The following ASIC2 variants were observed in gnomAD, a reference collection of about 807,000 sequenced individuals.
ASIC2 encodes the protein acid-sensing ion channel 2.
Under a neutral mutation model 57.3 loss-of-function variants are expected in ASIC2, and 25 were observed. The ratio of observed to expected loss-of-function variants is 0.44; its 90% CI spans 0.32 to 0.61. The LOEUF (loss-of-function observed/expected upper bound fraction) is 0.61. Ranked by LOEUF, ASIC2 falls within the 20% of genes least tolerant of loss-of-function variation. The pLI is 0.06. For missense variants in ASIC2, 641 were observed against 738.1 expected (o/e 0.87, Z 1.52); for synonymous variants, 319 against 307.5 (o/e 1.04, Z -0.39).
At chr17:33,601,187 A>G (rs1390130732) in intron 1 of ASIC2, among the ~76,000 whole-genome samples, 1 of 152,236 alleles carries the variant, frequency 6.6e-6, no homozygotes, top group Non-Finnish European at 1.5e-5. Context: ...TTAGGAAAGC[A>G]AACTAGGGTG....
At chr17:33,684,545 C>A (rs1019557938) in intron 1 of ASIC2, among the ~76,000 whole-genome samples, 1 of 152,162 alleles carries the variant, frequency 6.6e-6, no homozygotes, top group African/African-American at 2.4e-5. Context: ...GCAGAAGAAA[C>A]AACTTTTTAA....
At position 33,302,431 on chromosome 17, in the gene ASIC2, C is replaced by A. The variant is rs572946150; in HGVS notation, c.556-190364G>T. On this transcript the variant is annotated intron_variant, in intron 1 of 9. Transcript: ENST00000359872. ...AGTCATGACTTAATCATGGCTCTCACCTGGCTCTCACCTCTGCTTCAGGGA... is the reference window on the plus strand; with the variant it reads ...AGTCATGACTTAATCATGGCTCTCAACTGGCTCTCACCTCTGCTTCAGGGA... Among the ~76,000 whole-genome samples the A allele has an allele frequency of 2.0e-4, 30 of 152,262 alleles. No individual in the cohort carries two copies. The East Asian group carries it at 5.8e-3, about 29-fold the overall frequency.
intron 1 of ASIC2, among the ~76,000 whole-genome samples, chr17:33,888,866 T>C (rs1914893522): frequency 1.3e-5 from 2 of 152,240 alleles, no homozygotes; most frequent in South Asian, 4.1e-4. Flanking sequence ...GCTACTTTTG[T>C]GGTTCTCTCC....
intron 1 of ASIC2, among the ~76,000 whole-genome samples, chr17:33,971,748 T>G (rs1157451271): frequency 5.3e-5 from 8 of 152,208 alleles, no homozygotes; most frequent in South Asian, 2.1e-4. Context: ...TTGATAAGAT[T>G]ATACAGAGCT....
At chr17:33,181,729 G>A (rs1362238350) in intron 1 of ASIC2, among the ~76,000 whole-genome samples, 6 of 152,298 alleles carry the variant, frequency 3.9e-5, no homozygotes, top group South Asian at 4.1e-4. Context: ...GGTATGTTCC[G>A]TTTGCACTTA....
intron 1 of ASIC2, among the ~76,000 whole-genome samples, chr17:34,086,786 T>A (rs979958897): frequency 2.6e-5 from 4 of 152,356 alleles, no homozygotes; most frequent in African/African-American, 9.6e-5. Flanking sequence ...CCCTTTCCCA[T>A]TATGTAATGG....
In ASIC2 at chr17:33,291,447, C is replaced by T. The variant is rs1235228964; in HGVS notation, c.669G>A (p.Lys223=). Residue 223 remains lysine (K), a synonymous_variant, in exon 1 of 10, where the codon AAG becomes AAA. Transcript: ENST00000225823. ...HQLEDMLLSC[K]YRGELCGPHN... Reference sequence around the variant, plus strand: ...GCGGCCCGCAGAGCTCGCCGCGGTACTTGCAGGAGAGCAGCATGTCCTCCA... The same window carrying T: ...GCGGCCCGCAGAGCTCGCCGCGGTATTTGCAGGAGAGCAGCATGTCCTCCA... 2 of 1,609,246 alleles carry T rather than the reference C, an allele frequency of 1.2e-6. No individual in the cohort carries two copies. Among genetic ancestry groups the T allele is most frequent in the Non-Finnish European group, 1.7e-6 (2 of 1,178,022 alleles).
At chr17:33,108,543 C>G (rs797014788) in intron 2 of ASIC2, among the ~76,000 whole-genome samples, 3 of 152,292 alleles carry the variant, frequency 2.0e-5, no homozygotes, top group African/African-American at 7.2e-5. Flanking sequence ...GCTTTACAGA[C>G]AAGCATCTCT....
At chr17:33,794,284 A>T (rs1456035056) in intron 1 of ASIC2, 1 of 152,158 alleles carries the variant, frequency 6.6e-6, no homozygotes, top group Non-Finnish European at 1.5e-5. Context: ...CAGGCTGAAC[A>T]GGTCAAGGGG....
At chr17:34,083,923 C>T (rs986150027) in intron 1 of ASIC2, among the ~76,000 whole-genome samples, 5 of 152,102 alleles carry the variant, frequency 3.3e-5, no homozygotes, top group Non-Finnish European at 7.4e-5. Context: ...TGGATATTAG[C>T]CCTTTGTCAG....
chr17:34,148,209 C>T (rs1371277215), intron 1 of ASIC2, among the ~76,000 whole-genome samples: 1 of 152,174 alleles, frequency 6.6e-6, no homozygotes, highest in Non-Finnish European at 1.5e-5. Flanking sequence ...ATCAACTAGG[C>T]ATTATTTAGG....
intron 3 of ASIC2, among the ~76,000 whole-genome samples, chr17:33,074,043 G>C (rs1225486272): frequency 6.6e-6 from 1 of 152,164 alleles, no homozygotes; most frequent in Non-Finnish European, 1.5e-5. Flanking sequence ...GCTCTTCCCA[G>C]CCTTCAGTAA....
intron 1 of ASIC2, among the ~76,000 whole-genome samples, chr17:33,133,692 G>A (rs1401489327): frequency 6.6e-6 from 1 of 152,184 alleles, no homozygotes; most frequent in Non-Finnish European, 1.5e-5. Flanking sequence ...GAAATGCAGC[G>A]GCAAGGTAGG....
chr17:34,015,843 T>C (rs2142024915), intron 1 of ASIC2, among the ~76,000 whole-genome samples: 1 of 152,358 alleles, frequency 6.6e-6, no homozygotes, highest in African/African-American at 2.4e-5. Flanking sequence ...TGTGTGACCT[T>C]GGGCAAATGC....
chr17:33,971,601 G>A (rs970435287), intron 1 of ASIC2, among the ~76,000 whole-genome samples: 1 of 152,122 alleles, frequency 6.6e-6, no homozygotes, highest in African/African-American at 2.4e-5. Flanking sequence ...CTTTGGAAAT[G>A]CAAGATTGTG....
intron 1 of ASIC2, among the ~76,000 whole-genome samples, chr17:34,149,058 C>A (rs1227542759): frequency 6.6e-6 from 1 of 151,858 alleles, no homozygotes; most frequent in Non-Finnish European, 1.5e-5. Context: ...ATCTGGGAAG[C>A]AATTAATGGC....
chr17:34,019,094 G>C (rs951999201), intron 1 of ASIC2, among the ~76,000 whole-genome samples: 1 of 151,956 alleles, frequency 6.6e-6, no homozygotes, highest in Non-Finnish European at 1.5e-5. Flanking sequence ...TTTTTTAGTA[G>C]AGACGGGGTT....
chr17:33,287,398 C>A (rs1473452147), intron 1 of ASIC2, among the ~76,000 whole-genome samples: 1 of 152,196 alleles, frequency 6.6e-6, no homozygotes, highest in Non-Finnish European at 1.5e-5. Flanking sequence ...TTCCAACCCC[C>A]TGGTTCTTCT....
At chr17:33,138,888 G>C (rs1165854936) in intron 1 of ASIC2, among the ~76,000 whole-genome samples, 1 of 152,174 alleles carries the variant, frequency 6.6e-6, no homozygotes, top group African/African-American at 2.4e-5. Context: ...GGATCACATA[G>C]TATTTAGTGG....
Sources: gnomAD v4.1 joint callset for allele counts (sites outside exome capture counted in the v4.1 genomes callset) on GRCh38, gnomAD v4.1.1 for gene constraint, MANE v1.5 for transcripts, NCBI Gene and HGNC (gene_info 2026-07-23, HGNC 2026-07-21) for gene names.